The following UNC80 variants were observed in gnomAD, a reference collection of about 807,000 sequenced individuals.
UNC80 encodes protein unc-80 homolog.
UNC80 carries 164 observed loss-of-function variants against 384.6 expected under a neutral mutation model. The observed-to-expected ratio is 0.43, with a 90% CI of 0.38 to 0.49. UNC80 has a LOEUF of 0.49. UNC80 is among the 20% of genes least tolerant of loss of function. UNC80 has a pLI of 0.00. For synonymous variants in UNC80, 1,486 were observed against 1,527.8 expected (o/e 0.97, Z 0.64); for missense variants, 3,330 against 4,143.0 (o/e 0.80, Z 5.39).
intron 29 of UNC80, among the ~76,000 whole-genome samples, chr2:209,909,338 C>G (rs1559310415): frequency 6.6e-6 from 1 of 152,102 alleles, no homozygotes; most frequent in Non-Finnish European, 1.5e-5. Flanking sequence ...TCAAAGGATA[C>G]AGTAGAATCT....
chr2:209,818,056 C>A, intron 11 of UNC80, 104 bp downstream of exon 11: 4 of 1,384,996 alleles, frequency 2.9e-6, no homozygotes, highest in Non-Finnish European at 3.9e-6. Flanking sequence ...CCTGTGTTTT[C>A]TGAAAACTGG....
Position 209,807,951 on chromosome 2 carries a change from G to A in UNC80, c.939-5629G>A, listed in dbSNP as rs937260106. 1.6e-4 allele frequency among the ~76,000 whole-genome samples: 25 copies of A among 152,236 alleles called. 1 individual carries two copies. The highest frequency in any genetic ancestry group is 4.6e-4 in the African/African-American group (19 of 41,554). On this transcript the variant is annotated intron_variant, in intron 7 of 64. Coordinates refer to ENST00000673920, the MANE Select transcript of UNC80 (RefSeq NM_001371986.1). ...TAATTTATTGATATTTTCAAATGGA[G>A]TCTCTTTCAATATCAATCAATTGAA...
intron 18 of UNC80, among the ~76,000 whole-genome samples, chr2:209,837,433 A>G (rs1168223825): frequency 6.6e-6 from 1 of 152,212 alleles, no homozygotes; most frequent in Non-Finnish European, 1.5e-5. Flanking sequence ...TAACCTCTGT[A>G]AACTCTTGGT....
intron 10 of UNC80, 132 bp from the exon 11 acceptor site, chr2:209,817,679 CT>C: frequency 6.1e-6 from 7 of 1,143,440 alleles, no homozygotes; most frequent in Non-Finnish European, 6.1e-6. Flanking sequence ...TCAGTTCTTG[CT>C]TTTTTTGTCT....
chr2:209,813,600 C>G lies in UNC80; in HGVS notation c.959C>G (p.Pro320Arg). 6.4e-7 allele frequency: 1 copy of G among 1,551,508 alleles called. No individual in the cohort carries two copies. The highest frequency in any genetic ancestry group is 1.2e-5 in the South Asian group (1 of 84,040). The change falls in exon 8 of 65, where the codon CCG (proline) becomes CGG (arginine). Residue 320 changes from proline (P) to arginine (R), a missense_variant. By Grantham distance (103) the Pro-to-Arg change is moderately radical. Around this residue, in one of 8 missense-constraint regions of UNC80, gnomAD observed 937 missense variants for 1,026.8 expected, o/e 0.91. Transcript: ENST00000673920. ...AACAGGGCCTCTCTTGTGATACCTC[C>G]GTGCCAAAGGTCCCGCTATGCCACC... ...SHSRASLVIP[P>R]CQRSRYATYF... is the part of the protein sequence containing the mutation.
At chr2:209,827,601 CATT>C in intron 14 of UNC80, among the ~76,000 whole-genome samples, 1 of 152,184 alleles carries the variant, frequency 6.6e-6, no homozygotes, top group African/African-American at 2.4e-5. Flanking sequence ...GTTTAATGCT[CATT>C]ATTGATATTA....
At chr2:209,915,025 T>C (rs536807682) in intron 31 of UNC80, among the ~76,000 whole-genome samples, 7 of 152,120 alleles carry the variant, frequency 4.6e-5, no homozygotes, top group Non-Finnish European at 7.4e-5. Context: ...CAGAGAGCGC[T>C]GTAGGAGTTC....
At chr2:209,794,719 C>T in intron 7 of UNC80, 1 of 446,414 alleles carries the variant, frequency 2.2e-6, no homozygotes, top group Non-Finnish European at 4.5e-6. Flanking sequence ...GAGTAAATCT[C>T]ATGAGATCTG....
chr2:209,796,265 C>T (rs570943450), intron 7 of UNC80: 2 of 152,310 alleles, frequency 1.3e-5, no homozygotes, highest in Non-Finnish European at 2.9e-5. Flanking sequence ...CAATTTCTCC[C>T]ATTTGAAACG....
chr2:209,939,332 T>G, intron 42 of UNC80, 140 bp from the exon 43 acceptor site: 2 of 769,300 alleles, frequency 2.6e-6, no homozygotes, highest in Non-Finnish European at 4.0e-6. Flanking sequence ...AAAACACATG[T>G]CTCCCTCATT....
chr2:209,898,711 A>C (rs760546506), intron 28 of UNC80, among the ~76,000 whole-genome samples: 3 of 151,992 alleles, frequency 2.0e-5, no homozygotes, highest in Non-Finnish European at 4.4e-5. Flanking sequence ...AGTAAGTCTT[A>C]CTCATTCTAT....
At chr2:209,825,412 G>C (rs957209292) in intron 13 of UNC80, among the ~76,000 whole-genome samples, 1 of 152,160 alleles carries the variant, frequency 6.6e-6, no homozygotes, top group Non-Finnish European at 1.5e-5. Context: ...TTATAATACA[G>C]TGAAAGTATA....
intron 13 of UNC80, among the ~76,000 whole-genome samples, chr2:209,821,065 T>C (rs115269048): frequency 0.022 from 3,384 of 152,288 alleles, 126 homozygotes; most frequent in African/African-American, 0.077. Flanking sequence ...CAAAATACCA[T>C]AGACTGAGTG....
In UNC80 at chr2:209,817,205, G is replaced by C; in HGVS notation, c.1552+80G>C. The C allele has an allele frequency of 5.1e-6, 7 of 1,368,424 alleles. No individual in the cohort carries two copies. The South Asian group carries it at 9.1e-5, about 18-fold the overall frequency. The allele number at this position is 1,368,424 out of a possible 1,614,324, so 84.8% of individuals were successfully genotyped here. On this transcript the variant is annotated intron_variant, in intron 10 of 64. Transcript: ENST00000673920. Reference sequence around the variant, plus strand: ...GGATCTAGGGCTTCTGGGCAAATCTGAATCTTTCTTGAACAATTCAGCCAA... The same window carrying C: ...GGATCTAGGGCTTCTGGGCAAATCTCAATCTTTCTTGAACAATTCAGCCAA...
intron 33 of UNC80, among the ~76,000 whole-genome samples, chr2:209,920,762 C>T (rs1375240081): frequency 6.6e-6 from 1 of 152,016 alleles, no homozygotes; most frequent in East Asian, 1.9e-4. Flanking sequence ...TATGAGAGAT[C>T]TCTCTTTCTT....
chr2:209,935,834 AT>A (rs1430171422), intron 40 of UNC80, 26 bp downstream of exon 40: 1 of 1,439,204 alleles, frequency 6.9e-7, no homozygotes, highest in East Asian at 2.6e-5. Context: ...AACAGAAACA[AT>A]TTTTAAGGAC....
In UNC80 at chr2:209,945,208, T is replaced by A; in HGVS notation, c.7189+19T>A. On this transcript the variant is annotated intron_variant, in intron 46 of 64. Transcript: ENST00000673920. ...TCATTAGGTAAAAGCAAAACTTGCT[T>A]TGACATTCTTTTTCTCACTGCAGTT... is the stretch of plus-strand genomic sequence containing the variant. The A allele has an allele frequency of 6.5e-7, 1 of 1,545,330 alleles. No individual in the cohort carries two copies. Among genetic ancestry groups the A allele is most frequent in the Non-Finnish European group, 8.7e-7 (1 of 1,144,938 alleles).
chr2:209,884,474 A>G (rs927151417), intron 25 of UNC80, among the ~76,000 whole-genome samples: 1 of 152,194 alleles, frequency 6.6e-6, no homozygotes, highest in African/African-American at 2.4e-5. Context: ...AAAAAAATAT[A>G]CTGCTGAAAC....
intron 25 of UNC80, among the ~76,000 whole-genome samples, chr2:209,887,519 C>G (rs2085934539): frequency 3.3e-5 from 5 of 152,166 alleles, no homozygotes; most frequent in Admixed American, 3.3e-4. Context: ...TCTACAAAAT[C>G]CTTGTTGCCA....
Sources: allele counts gnomAD v4.1 joint callset (sites outside exome capture counted in the v4.1 genomes callset), GRCh38; gene constraint gnomAD v4.1.1; regional missense constraint gnomAD v4.1.1; transcripts MANE v1.5; gene names NCBI Gene and HGNC (gene_info 2026-07-23, HGNC 2026-07-21).